Variants in UGT2A1 observed in about 807,000 individuals in gnomAD.
UGT2A1 encodes UDP glucuronosyltransferase family 2 member A1 complex locus, also known as UDP-glucuronosyltransferase 2A1.
In UGT2A1, 61 loss-of-function variants were observed where a neutral mutation model predicts 45.4. The observed-to-expected ratio is 1.34, with a 90% CI of 1.09 to 1.66. The LOEUF (loss-of-function observed/expected upper bound fraction) is 1.66. UGT2A1 is among the 40% of genes most tolerant of loss of function. UGT2A1 has a pLI of 0.00. For synonymous variants in UGT2A1, 229 were observed against 196.2 expected (o/e 1.17, Z -1.40); for missense variants, 649 against 574.3 (o/e 1.13, Z -1.33).
At chr4:69,612,302 A>T (rs1347063217) in intron 3 of UGT2A1, among the ~76,000 whole-genome samples, 1 of 152,166 alleles carries the variant, frequency 6.6e-6, no homozygotes, top group African/African-American at 2.4e-5. Context: ...TGGAAAAATC[A>T]GTATCGTTAA....
chr4:69,616,308 G>C (rs1384040616), intron 3 of UGT2A1, among the ~76,000 whole-genome samples: 2 of 151,908 alleles, frequency 1.3e-5, no homozygotes, highest in Non-Finnish European at 2.9e-5. Flanking sequence ...AAAAAATCTA[G>C]TGTTTGATAG....
chr4:69,632,752 G>A (rs1165200925), intron 3 of UGT2A1, among the ~76,000 whole-genome samples: 1 of 151,916 alleles, frequency 6.6e-6, no homozygotes, highest in Non-Finnish European at 1.5e-5. Flanking sequence ...GCCAGACATG[G>A]TGAAGGGCTC....
chr4:69,624,364 T>C (rs565663789), intron 3 of UGT2A1, among the ~76,000 whole-genome samples: 1 of 151,552 alleles, frequency 6.6e-6, no homozygotes, highest in Admixed American at 6.6e-5. Flanking sequence ...TTTATGAGTT[T>C]CTTAAGATAG....
At chr4:69,609,388 T>C (rs1300820733) in intron 3 of UGT2A1, among the ~76,000 whole-genome samples, 1 of 152,122 alleles carries the variant, frequency 6.6e-6, no homozygotes, top group African/African-American at 2.4e-5. Context: ...GTTGTAGAGA[T>C]GATGTCTCTC....
chr4:69,642,786 C>T lies in UGT2A1; in HGVS notation c.715+4144G>A, dbSNP rs960821197. On this transcript the variant is annotated intron_variant, in intron 2 of 6. Transcript: ENST00000286604. ...GTTATGTATTTTTACATATTATATA[C>T]CTCTAATATATAGAGATTATTCACA... 5.3e-5 allele frequency among the ~76,000 whole-genome samples: 8 copies of T among 151,354 alleles called. No homozygotes were observed. In the Admixed American group the frequency reaches 5.3e-4, roughly 10 times the overall value.
chr4:69,638,778 G>A lies in UGT2A1; in HGVS notation c.716-2956C>T. 4 of 1,243,570 alleles carry A rather than the reference G, an allele frequency of 3.2e-6. No homozygotes were observed. In the South Asian group the frequency reaches 6.8e-5, roughly 21 times the overall value. 77.0% of individuals were successfully genotyped at this position (1,243,570 alleles called of 1,614,324 possible). ...ATAATCAGGGAATTGTTTGTACAGA[G>A]ATATAAGAAGTCCATTATCTTCAGC... On this transcript the variant is annotated intron_variant, in intron 2 of 6. Coordinates refer to ENST00000286604, the MANE Select transcript of UGT2A1 (RefSeq NM_001252275.3).
rs1719503803 is a variant in UGT2A1 at position 69,604,760 on chromosome 4, G to A, written c.848-5366C>T. ...GCAAATGGAAAACAAAAAAAGGCAG[G>A]GGTTGCAATCCTAGTCTCTGATAAA... is the stretch of plus-strand genomic sequence containing the variant. On this transcript the variant is annotated intron_variant, in intron 3 of 6. Transcript: ENST00000286604. Among the ~76,000 whole-genome samples the A allele has an allele frequency of 1.5e-5, 2 of 135,868 alleles. 1 individual carries two copies. The highest frequency in any genetic ancestry group is 6.0e-5 in the African/African-American group (2 of 33,420). 89.1% of individuals were successfully genotyped at this position (135,868 alleles called of 152,430 possible).
intron 3 of UGT2A1, among the ~76,000 whole-genome samples, chr4:69,607,481 G>C (rs1560475055): frequency 6.6e-6 from 1 of 151,848 alleles, no homozygotes; most frequent in Non-Finnish European, 1.5e-5. Context: ...AGAAAACCTA[G>C]GCAATACCAT....
At chr4:69,634,161 C>T (rs191697470) in intron 3 of UGT2A1, among the ~76,000 whole-genome samples, 76 of 152,124 alleles carry the variant, frequency 5.0e-4, no homozygotes, top group African/African-American at 1.3e-3. Flanking sequence ...AGGAGAATGG[C>T]GTGAACCCGG....
rs781059827 is a variant in UGT2A1 at position 69,647,478 on chromosome 4, G to A, written c.167C>T (p.Ser56Phe). 27 of 1,613,110 alleles carry A rather than the reference G, an allele frequency of 1.7e-5. No homozygotes were observed. The highest frequency in any genetic ancestry group is 3.3e-4 in the Middle Eastern group (2 of 6,052). ...KEHNVTVLVA[S>F]GALFITPTSN... is the part of the protein sequence containing the mutation. ...GGTTGGTGTGATGAAAAGTGCACCA[G>A]AGGCAACTAGGACAGTCACATTATG... Residue 56 changes from serine to phenylalanine, a missense_variant, in exon 2 of 7, where the codon TCT becomes TTT. By Grantham distance (155) the Ser-to-Phe change is radical. Coordinates refer to ENST00000286604, the MANE Select transcript of UGT2A1 (RefSeq NM_001252275.3).
intron 3 of UGT2A1, among the ~76,000 whole-genome samples, chr4:69,627,331 C>A (rs1462997195): frequency 6.6e-6 from 1 of 151,778 alleles, no homozygotes; most frequent in Non-Finnish European, 1.5e-5. Context: ...AGTCTCTTAA[C>A]AGCATTAAAA....
At chr4:69,593,956 AT>A (rs1718740024) in intron 6 of UGT2A1, among the ~76,000 whole-genome samples, 1 of 150,828 alleles carries the variant, frequency 6.6e-6, no homozygotes. Flanking sequence ...TATTGAAATA[AT>A]ATTTGAAGTC....
At position 69,607,872 on chromosome 4, in the gene UGT2A1, A is replaced by G. The variant is rs533364512; in HGVS notation, c.848-8478T>C. Among the ~76,000 whole-genome samples the G allele has an allele frequency of 2.0e-5, 3 of 152,346 alleles. No homozygotes were observed. The East Asian group carries it at 5.8e-4, about 29-fold the overall frequency. Reference sequence around the variant, plus strand: ...ATGCAAAACAAAACCACAATGAGATACCATCTCACACCAGTTAGAATGGCG... The same window carrying G: ...ATGCAAAACAAAACCACAATGAGATGCCATCTCACACCAGTTAGAATGGCG... On this transcript the variant is annotated intron_variant, in intron 3 of 6. Coordinates refer to ENST00000286604, the MANE Select transcript of UGT2A1 (RefSeq NM_001252275.3).
chr4:69,612,303 G>A (rs993338753), intron 3 of UGT2A1, among the ~76,000 whole-genome samples: 2 of 152,024 alleles, frequency 1.3e-5, no homozygotes, highest in African/African-American at 4.8e-5. Flanking sequence ...GGAAAAATCA[G>A]TATCGTTAAA....
intron 3 of UGT2A1, among the ~76,000 whole-genome samples, chr4:69,635,460 C>T (rs915156430): frequency 2.0e-5 from 3 of 152,186 alleles, no homozygotes; most frequent in Non-Finnish European, 4.4e-5. Context: ...ATTGCTGCAG[C>T]AAAGGCTAGT....
intron 3 of UGT2A1, among the ~76,000 whole-genome samples, 167 bp downstream of exon 3, chr4:69,635,524 G>T (rs1721626839): frequency 6.6e-6 from 1 of 152,136 alleles, no homozygotes; most frequent in Admixed American, 6.5e-5. Flanking sequence ...TCTCTTAGAA[G>T]TTGAGGAAGA....
intron 3 of UGT2A1, among the ~76,000 whole-genome samples, chr4:69,619,751 TC>T (rs1720633678): frequency 6.6e-6 from 1 of 151,974 alleles, no homozygotes; most frequent in Admixed American, 6.6e-5. Context: ...GCAAAAATCC[TC>T]AACAAAATAC....
At chr4:69,596,341 A>G (rs762243860) in intron 4 of UGT2A1, 25 of 1,605,908 alleles carry the variant, frequency 1.6e-5, no homozygotes, top group African/African-American at 2.7e-5. Context: ...AAACACCACA[A>G]CACCATTTTT....
intron 4 of UGT2A1, among the ~76,000 whole-genome samples, chr4:69,596,826 A>T (rs1162238749): frequency 6.6e-6 from 1 of 152,184 alleles, no homozygotes; most frequent in Non-Finnish European, 1.5e-5. Context: ...CCAGTCAGAA[A>T]TAGTCTCCTT....
Sources: allele counts gnomAD v4.1 joint callset (sites outside exome capture counted in the v4.1 genomes callset), GRCh38; gene constraint gnomAD v4.1.1; transcripts MANE v1.5; gene names NCBI Gene and HGNC (gene_info 2026-07-23, HGNC 2026-07-21).